ERI1: variants seen among roughly 807,000 people sequenced by gnomAD.
ERI1 encodes 3'-5' exoribonuclease 1.
A neutral mutation model predicts 39.7 loss-of-function variants in ERI1; 39 were observed. The ratio of observed to expected loss-of-function variants is 0.98; its 90% CI spans 0.76 to 1.28. The LOEUF (loss-of-function observed/expected upper bound fraction) is 1.28, where lower values mean the gene tolerates loss of function less well. Among genes scored for constraint, ERI1 ranks in the 50% most tolerant of loss-of-function variants. The pLI is 0.00. For synonymous variants in ERI1, 204 were observed against 149.6 expected (o/e 1.36, Z -2.65); for missense variants, 581 against 416.9 (o/e 1.39, Z -3.43).
rs1332985082 is a variant in ERI1 at position 9,030,088 on chromosome 8, G to T, written c.*54G>T. On this transcript the variant is annotated 3_prime_UTR_variant, in exon 7 of 7. Transcript: ENST00000250263. ...TTGAAGTTGCTATGAAGAGGTAGCA[G>T]ATGAATCTCATTGAATTAGTCCTGT... 3.8e-6 allele frequency: 6 copies of T among 1,599,296 alleles called. No homozygotes were observed. Among genetic ancestry groups the T allele is most frequent in the Non-Finnish European group, 5.1e-6 (6 of 1,169,436 alleles).
At chr8:9,089,089 G>A (rs1799623478) in intron 3 of ERI1, among the ~76,000 whole-genome samples, 1 of 152,132 alleles carries the variant, frequency 6.6e-6, no homozygotes, top group Admixed American at 6.6e-5. Flanking sequence ...CATCACTAAG[G>A]CTCGGTTTCC....
At chr8:9,021,845 T>G (rs1428851942) in intron 6 of ERI1, among the ~76,000 whole-genome samples, 2 of 151,772 alleles carry the variant, frequency 1.3e-5, no homozygotes, top group Non-Finnish European at 2.9e-5. Flanking sequence ...TTCATTCACT[T>G]TATTGCTATT....
intron 3 of ERI1, among the ~76,000 whole-genome samples, chr8:9,078,055 T>A (rs1014131896): frequency 3.9e-5 from 6 of 152,198 alleles, no homozygotes; most frequent in Admixed American, 6.5e-5. Flanking sequence ...AGTGGAGTGA[T>A]CTCGGCTCAC....
intron 3 of ERI1, among the ~76,000 whole-genome samples, chr8:9,082,889 GGAT>G (rs1342539553): frequency 1.3e-5 from 2 of 152,096 alleles, no homozygotes; most frequent in African/African-American, 4.8e-5. Flanking sequence ...AGAAAAGTGG[GGAT>G]GATGGAATAT....
Position 9,004,485 on chromosome 8 carries a change from C to CTTTTTTTTTTTTT in ERI1, c.108+1328_108+1340dup, listed in dbSNP as rs71201904. Among the ~76,000 whole-genome samples, 161 of 78,310 alleles carry CTTTTTTTTTTTTT rather than the reference C, an allele frequency of 2.1e-3. 7 individuals carry two copies. The highest frequency in any genetic ancestry group is 7.7e-3 in the African/African-American group (155 of 20,066). 51.4% of individuals were successfully genotyped at this position (78,310 alleles called of 152,430 possible). ...CTGTTGCATGCTCTTTATAGTGATACTTTTTTTTTTTTTTTTTTTTTTTTT... is the reference window on the plus strand; with the variant it reads ...CTGTTGCATGCTCTTTATAGTGATACTTTTTTTTTTTTTTTTTTTTTTTTTTTTTTTTTTTTTT... On this transcript the variant is annotated intron_variant, in intron 1 of 6. Coordinates refer to ENST00000250263, the MANE Select transcript of ERI1 (RefSeq NM_153332.4).
intron 3 of ERI1, among the ~76,000 whole-genome samples, chr8:9,064,084 G>T (rs141310013): frequency 1.0e-3 from 159 of 151,982 alleles, no homozygotes; most frequent in African/African-American, 3.7e-3. Flanking sequence ...TTGGAGTGTG[G>T]AAATAAGGGG....
chr8:9,015,347 C>G (rs887281008), intron 3 of ERI1, among the ~76,000 whole-genome samples: 1 of 152,072 alleles, frequency 6.6e-6, no homozygotes, highest in Non-Finnish European at 1.5e-5. Flanking sequence ...GCCTTTAAAT[C>G]TTTAGGGTTT....
At chr8:9,012,094 C>G (rs79007531) in intron 3 of ERI1, among the ~76,000 whole-genome samples, 6,732 of 152,246 alleles carry the variant, frequency 0.044, 207 homozygotes, top group Non-Finnish European at 0.068. Flanking sequence ...TAATTTAGTT[C>G]TCTGATAGGG....
intron 3 of ERI1, among the ~76,000 whole-genome samples, chr8:9,053,433 C>T (rs1463458152): frequency 6.6e-6 from 1 of 152,206 alleles, no homozygotes; most frequent in African/African-American, 2.4e-5. Flanking sequence ...GGGAGGATGG[C>T]ATGCCCAGAG....
rs761471862 is a variant in ERI1, at chr8:9,032,521, A to T, written c.*2487A>T. Reference sequence around the variant, plus strand: ...TTTGTGATGTGTCTTTGTTGCCTTGAGATAGATCCATTTATCCTGCCTCCT... The same window carrying T: ...TTTGTGATGTGTCTTTGTTGCCTTGTGATAGATCCATTTATCCTGCCTCCT... On this transcript the variant is annotated 3_prime_UTR_variant, in exon 7 of 7. Coordinates refer to ENST00000250263, the MANE Select transcript of ERI1 (RefSeq NM_153332.4). 12 of 152,164 alleles carry T rather than the reference A, an allele frequency of 7.9e-5. No homozygotes were observed. Among genetic ancestry groups the T allele is most frequent in the Non-Finnish European group, 1.8e-4 (12 of 68,036 alleles). The allele number at this position is 152,164 out of a possible 1,614,324, so 9.4% of individuals were successfully genotyped here.
intron 3 of ERI1, among the ~76,000 whole-genome samples, chr8:9,038,494 A>G (rs887400846): frequency 6.6e-6 from 1 of 152,230 alleles, no homozygotes; most frequent in Non-Finnish European, 1.5e-5. Flanking sequence ...GTGCAGTGGC[A>G]CATGCCTGTA....
intron 3 of ERI1, among the ~76,000 whole-genome samples, chr8:9,065,118 G>T (rs1798833692): frequency 1.3e-5 from 2 of 152,140 alleles, no homozygotes; most frequent in Admixed American, 1.3e-4. Context: ...ATTAGTTAAG[G>T]CAGGAACCGG....
At chr8:9,019,544 C>A (rs1817665263) in intron 5 of ERI1, among the ~76,000 whole-genome samples, 1 of 152,096 alleles carries the variant, frequency 6.6e-6, no homozygotes, top group Admixed American at 6.5e-5. Flanking sequence ...AATTTTGTAA[C>A]AAGAGCACTA....
At chr8:9,013,464 G>C (rs944668132) in intron 3 of ERI1, among the ~76,000 whole-genome samples, 8 of 151,658 alleles carry the variant, frequency 5.3e-5, no homozygotes, top group Non-Finnish European at 7.4e-5. Flanking sequence ...TTCTTTGCTG[G>C]TTCCTCCTTT....
At chr8:9,065,125 C>G (rs1433287126) in intron 3 of ERI1, among the ~76,000 whole-genome samples, 1 of 152,100 alleles carries the variant, frequency 6.6e-6, no homozygotes, top group African/African-American at 2.4e-5. Context: ...AAGGCAGGAA[C>G]CGGCCATCTG....
At chr8:9,080,109 A>G (rs1799325031) in intron 3 of ERI1, among the ~76,000 whole-genome samples, 1 of 151,948 alleles carries the variant, frequency 6.6e-6, no homozygotes, top group Non-Finnish European at 1.5e-5. Flanking sequence ...GTTAGGCTAT[A>G]GGGTGTGGTT....
rs192488695 is a variant in ERI1 at position 9,088,690 on chromosome 8, G to A, written n.300-27658G>A. The A allele has an allele frequency of 1.4e-4, 22 of 152,382 alleles. No homozygotes were observed. In the East Asian group the frequency reaches 4.0e-3, roughly 28 times the overall value. The allele number at this position is 152,382 out of a possible 1,614,324, so 9.4% of individuals were successfully genotyped here. ...TGTGGGCTCAGCTGGCTGCTAGTCA[G>A]TCATCCTTTGTTTGAAAGCAGCACA... On this transcript the variant is annotated intron_variant and non_coding_transcript_variant, in intron 3 of 3. Coordinates refer to the ERI1 transcript ENST00000518663.
chr8:9,047,758 C>T (rs1298029596), intron 3 of ERI1, among the ~76,000 whole-genome samples: 1 of 152,050 alleles, frequency 6.6e-6, no homozygotes, highest in Non-Finnish European at 1.5e-5. Context: ...CCCCTTCCAA[C>T]AGAGCAGTTC....
chr8:9,033,454 C>G (rs370674886), downstream of ERI1: 3 of 152,062 alleles, frequency 2.0e-5, no homozygotes, highest in African/African-American at 7.2e-5. Context: ...ATACTACTGT[C>G]TGGCCCTTTA....
Sources: allele counts gnomAD v4.1 joint callset (sites outside exome capture counted in the v4.1 genomes callset), GRCh38; gene constraint gnomAD v4.1.1; transcripts MANE v1.5; gene names NCBI Gene and HGNC (gene_info 2026-07-23, HGNC 2026-07-21).